The following PSMA1 variants were observed in gnomAD, a reference collection of about 807,000 sequenced individuals.
PSMA1 encodes proteasome 20S subunit alpha 1, also known as proteasome subunit alpha type-1.
In PSMA1, 3 loss-of-function variants were observed where a neutral mutation model predicts 38.4. That is an observed-to-expected ratio of 0.08 (90% CI 0.04 to 0.20). The LOEUF is 0.20. Ranked by LOEUF, PSMA1 falls within the 10% of genes least tolerant of loss-of-function variation. The pLI is 1.00. For synonymous variants in PSMA1, 101 were observed against 107.1 expected, an observed-to-expected ratio of 0.94 and a Z score of 0.35; for missense variants, 227 against 325.3, an observed-to-expected ratio of 0.70 and a Z score of 2.32.
At chr11:14,527,205 T>C (rs1485719415) in intron 2 of PSMA1, among the ~76,000 whole-genome samples, 4 of 152,194 alleles carry the variant, frequency 2.6e-5, no homozygotes, top group African/African-American at 9.7e-5. Context: ...GCAACGCTTA[T>C]GCTGATAAGG....
At chr11:14,622,297 G>C (rs760961842) in intron 1 of PSMA1, among the ~76,000 whole-genome samples, 23 of 152,170 alleles carry the variant, frequency 1.5e-4, no homozygotes, top group Admixed American at 7.2e-4. Flanking sequence ...TCACATTCCT[G>C]TGGGTTAGAT....
chr11:14,638,158 C>T (rs1475992651), intron 1 of PSMA1, among the ~76,000 whole-genome samples: 1 of 152,074 alleles, frequency 6.6e-6, no homozygotes, highest in African/African-American at 2.4e-5. Flanking sequence ...CATGTAGCTA[C>T]AAATGGTAAC....
intron 2 of PSMA1, among the ~76,000 whole-genome samples, chr11:14,555,947 C>T (rs1851937044): frequency 6.6e-6 from 1 of 152,188 alleles, no homozygotes; most frequent in Admixed American, 6.5e-5. Flanking sequence ...TAAATCTCTC[C>T]TTCTATCAGT....
At chr11:14,597,871 C>T (rs931992962) in intron 2 of PSMA1, among the ~76,000 whole-genome samples, 1 of 152,142 alleles carries the variant, frequency 6.6e-6, no homozygotes, top group Non-Finnish European at 1.5e-5. Context: ...CTCCTGCTGT[C>T]TCTTGTGGGC....
At chr11:14,625,742 C>T (rs1370447296) in intron 1 of PSMA1, among the ~76,000 whole-genome samples, 1 of 152,276 alleles carries the variant, frequency 6.6e-6, no homozygotes, top group African/African-American at 2.4e-5. Context: ...CCCACTTTCC[C>T]TATTGTGAGA....
chr11:14,572,707 A>C (rs1437170037), intron 2 of PSMA1, among the ~76,000 whole-genome samples: 1 of 152,214 alleles, frequency 6.6e-6, no homozygotes, highest in Non-Finnish European at 1.5e-5. Flanking sequence ...AACCCTTCAA[A>C]AAATCAATGA....
At chr11:14,531,027 G>C (rs764593666) in intron 2 of PSMA1, among the ~76,000 whole-genome samples, 2 of 151,952 alleles carry the variant, frequency 1.3e-5, no homozygotes, top group African/African-American at 2.4e-5. Flanking sequence ...TACTCTTCTA[G>C]TAGATAGTTT....
intron 2 of PSMA1, among the ~76,000 whole-genome samples, chr11:14,536,184 T>C (rs1851705142): frequency 6.6e-6 from 1 of 152,192 alleles, no homozygotes; most frequent in African/African-American, 2.4e-5. Context: ...TTACTAACAA[T>C]AATAACTGTT....
intron 2 of PSMA1, among the ~76,000 whole-genome samples, chr11:14,563,825 A>AT (rs1852037778): frequency 6.6e-6 from 1 of 152,202 alleles, no homozygotes; most frequent in African/African-American, 2.4e-5. Flanking sequence ...CATACTTAAT[A>AT]TATTTCCTAG....
At chr11:14,558,827 A>G (rs1589992306) in intron 2 of PSMA1, among the ~76,000 whole-genome samples, 1 of 152,208 alleles carries the variant, frequency 6.6e-6, no homozygotes, top group African/African-American at 2.4e-5. Flanking sequence ...ATAGAAATCT[A>G]CTGGTTAGGA....
chr11:14,629,409 A>G lies in PSMA1; in HGVS notation c.-166+14046T>C, dbSNP rs1590016457. On this transcript the variant is annotated intron_variant, in intron 1 of 10. Transcript: ENST00000418988. Reference sequence around the variant, plus strand: ...ATGGCTAGCCAGTTTTTCCAGCACCATTTATTAAATAGGGAATCCTTTCCC... The same window carrying G: ...ATGGCTAGCCAGTTTTTCCAGCACCGTTTATTAAATAGGGAATCCTTTCCC... Among the ~76,000 whole-genome samples the G allele has an allele frequency of 2.0e-5, 3 of 152,274 alleles. 1 individual carries two copies. The South Asian group carries it at 6.2e-4, about 32-fold the overall frequency.
chr11:14,551,090 A>C (rs1851879292), intron 2 of PSMA1, among the ~76,000 whole-genome samples: 2 of 152,186 alleles, frequency 1.3e-5, no homozygotes, highest in South Asian at 4.1e-4. Flanking sequence ...ATTTGCATCT[A>C]GCAGATTTCA....
At chr11:14,520,113 C>T (rs912771359) in intron 1 of PSMA1, 184 bp downstream of exon 1, 19 of 914,594 alleles carry the variant, frequency 2.1e-5, no homozygotes, top group Non-Finnish European at 2.5e-5. Context: ...GCCGCACTGG[C>T]TACCGATAAC....
At chr11:14,512,682 A>G (rs138089459) in intron 7 of PSMA1, among the ~76,000 whole-genome samples, 53 of 152,314 alleles carry the variant, frequency 3.5e-4, no homozygotes, top group African/African-American at 1.3e-3. Flanking sequence ...AAGCCTGCAC[A>G]TAGATTCCTC....
intron 2 of PSMA1, among the ~76,000 whole-genome samples, chr11:14,596,029 G>T (rs1852487858): frequency 6.6e-6 from 1 of 152,126 alleles, no homozygotes; most frequent in Admixed American, 6.5e-5. Context: ...GTTTTTGTCA[G>T]GTTTGTCAAA....
chr11:14,575,404 C>G (rs1404820366), intron 2 of PSMA1, among the ~76,000 whole-genome samples: 1 of 151,288 alleles, frequency 6.6e-6, no homozygotes, highest in Non-Finnish European at 1.5e-5. Context: ...TGCTATCCCT[C>G]CCCCCTACCC....
intron 2 of PSMA1, among the ~76,000 whole-genome samples, chr11:14,549,181 T>C (rs1466314635): frequency 1.3e-5 from 2 of 152,244 alleles, no homozygotes; most frequent in Non-Finnish European, 2.9e-5. Context: ...ATAAAACTTA[T>C]TGCCTGGGAC....
intron 2 of PSMA1, among the ~76,000 whole-genome samples, chr11:14,606,049 T>C (rs935063853): frequency 3.9e-5 from 6 of 152,244 alleles, no homozygotes; most frequent in Non-Finnish European, 7.3e-5. Flanking sequence ...TGAGTTAATT[T>C]CTGTATATGG....
At chr11:14,523,446 T>C (rs2134154927), upstream of PSMA1, among the ~76,000 whole-genome samples, 1 of 152,070 alleles carries the variant, frequency 6.6e-6, no homozygotes, top group South Asian at 2.1e-4. Context: ...AATTTTAAAA[T>C]TTTTTGTAGA....
Sources: gnomAD v4.1 joint callset for allele counts (sites outside exome capture counted in the v4.1 genomes callset) on GRCh38, gnomAD v4.1.1 for gene constraint, MANE v1.5 for transcripts, NCBI Gene and HGNC (gene_info 2026-07-23, HGNC 2026-07-21) for gene names.